PYGB: variants seen among roughly 807,000 people sequenced by gnomAD.
PYGB encodes the protein glycogen phosphorylase, brain form.
In PYGB, 82 loss-of-function variants were observed where a neutral mutation model predicts 94.3. That is an observed-to-expected ratio of 0.87 (90% CI 0.73 to 1.04). The LOEUF (loss-of-function observed/expected upper bound fraction) is 1.04. PYGB is among the 50% of genes least tolerant of loss of function. The pLI, the probability that PYGB is intolerant of heterozygous loss-of-function variation, is 0.00. For synonymous variants in PYGB, 488 were observed against 479.1 expected (o/e 1.02, Z -0.24); for missense variants, 1,132 against 1,158.2 (o/e 0.98, Z 0.33).
At chr20:25,275,427 G>A (rs920458400) in intron 5 of PYGB, among the ~76,000 whole-genome samples, 5 of 152,240 alleles carry the variant, frequency 3.3e-5, no homozygotes, top group Non-Finnish European at 5.9e-5. Flanking sequence ...GCAGGAGAAC[G>A]TGGGGGCATC....
chr20:25,277,800 G>A (rs897250610), intron 7 of PYGB, among the ~76,000 whole-genome samples: 2 of 152,256 alleles, frequency 1.3e-5, no homozygotes, highest in Non-Finnish European at 2.9e-5. Context: ...AGGTGATGGT[G>A]TCGCAGCCAT....
At chr20:25,272,450 A>G (rs1042711043) in intron 4 of PYGB, among the ~76,000 whole-genome samples, 6 of 152,256 alleles carry the variant, frequency 3.9e-5, no homozygotes, top group African/African-American at 1.4e-4. Context: ...GCTGTCCATG[A>G]CACGCACAGC....
intron 4 of PYGB, among the ~76,000 whole-genome samples, chr20:25,271,808 T>A (rs1218126871): frequency 6.6e-6 from 1 of 152,124 alleles, no homozygotes; most frequent in African/African-American, 2.4e-5. Flanking sequence ...GCAGTGAGGG[T>A]CACTCTGGTG....
intron 15 of PYGB, 21 bp from the exon 16 acceptor site, chr20:25,290,460 A>G (rs776389764): frequency 3.3e-5 from 53 of 1,595,396 alleles, no homozygotes; most frequent in Non-Finnish European, 4.0e-5. Context: ...TGTGCTAAAA[A>G]CCTTCACCCT....
intron 16 of PYGB, among the ~76,000 whole-genome samples, chr20:25,292,005 A>C (rs1034379723): frequency 1.3e-5 from 2 of 152,062 alleles, no homozygotes; most frequent in Admixed American, 1.3e-4. Context: ...TCTGGTCTAC[A>C]TTCCTCCTGA....
chr20:25,251,264 TG>T (rs890509563), intron 1 of PYGB: 12 of 152,266 alleles, frequency 7.9e-5, no homozygotes, highest in African/African-American at 2.2e-4. Flanking sequence ...TTGCGCTGCA[TG>T]GAGAAGAAAG....
intron 1 of PYGB, among the ~76,000 whole-genome samples, chr20:25,252,042 A>G (rs1161259447): frequency 6.6e-6 from 1 of 152,146 alleles, no homozygotes; most frequent in African/African-American, 2.4e-5. Flanking sequence ...CGGAATCCTA[A>G]CACTCCCAAT....
chr20:25,280,991 A>G lies in PYGB; in HGVS notation c.1282A>G (p.Arg428Gly), dbSNP rs1207849188. Residue 428 changes from arginine (R) to glycine (G), a missense_variant, in exon 11 of 20, where the codon AGG becomes GGG. By Grantham distance (125) the Arg-to-Gly change is moderately radical. Coordinates refer to ENST00000216962, the MANE Select transcript of PYGB (RefSeq NM_002862.4). ...LFPGDVDRLR[R>G]MSVIEEGDCK... ...TCCCGGCGATGTGGACCGCCTGCGC[A>G]GGATGTCTGTGATCGAGGAGGGGGA... 3 of 1,614,032 alleles carry G rather than the reference A, an allele frequency of 1.9e-6. No homozygotes were observed. In the African/African-American group the frequency reaches 4.0e-5, roughly 22 times the overall value.
intron 10 of PYGB, 44 bp downstream of exon 10, chr20:25,280,456 C>T (rs201464368): frequency 6.2e-7 from 1 of 1,600,036 alleles, no homozygotes; most frequent in African/African-American, 1.3e-5. Context: ...CGGCTACACC[C>T]ATGCCAACGG....
chr20:25,252,908 A>C (rs1326367511), intron 1 of PYGB, among the ~76,000 whole-genome samples: 1 of 149,788 alleles, frequency 6.7e-6, no homozygotes, highest in East Asian at 1.9e-4. Context: ...CCAACCCTCT[A>C]ATTAGAGCTG....
At chr20:25,290,455 TA>T in intron 15 of PYGB, 25 bp from the exon 16 acceptor site, 1 of 1,594,198 alleles carries the variant, frequency 6.3e-7, no homozygotes, top group Non-Finnish European at 8.6e-7. Context: ...ATTTTTGTGC[TA>T]AAAACCTTCA....
At chr20:25,280,452 C>CA in intron 10 of PYGB, 40 bp downstream of exon 10, 1 of 1,604,168 alleles carries the variant, frequency 6.2e-7, no homozygotes, top group African/African-American at 1.3e-5. Flanking sequence ...GTGGCGGCTA[C>CA]ACCCATGCCA....
chr20:25,276,593 G>A, intron 5 of PYGB, 53 bp from the exon 6 acceptor site: 1 of 1,495,200 alleles, frequency 6.7e-7, no homozygotes, highest in South Asian at 1.1e-5. Context: ...AGAGGCACAG[G>A]GGCCGGCGGG....
rs1457910482 is a variant in PYGB, at chr20:25,292,509, C to T, written c.2073C>T (p.Gly691=). 1 of 1,613,548 alleles carries T rather than the reference C, an allele frequency of 6.2e-7. No homozygotes were observed. The highest frequency in any genetic ancestry group is 8.5e-7 in the Non-Finnish European group (1 of 1,180,034). ...TGCTCAACGGGGCCCTCACCATCGG[C>T]ACCATGGACGGCGCCAACGTGGAGA... is the stretch of plus-strand genomic sequence containing the variant. The part of the protein sequence containing the change: ...KFMLNGALTI[G]TMDGANVEMA... The change falls in exon 17 of 20, where the codon GGC becomes GGT. Residue 691 remains glycine, a synonymous_variant. Transcript: ENST00000216962.
At chr20:25,259,408 A>G in intron 2 of PYGB, 70 bp downstream of exon 2, 1 of 1,255,316 alleles carries the variant, frequency 8.0e-7, no homozygotes. Context: ...CCATTTTCCC[A>G]CAGAGGTGAG....
chr20:25,284,008 G>T, intron 13 of PYGB, 96 bp from the exon 14 acceptor site: 12 of 1,464,678 alleles, frequency 8.2e-6, no homozygotes, highest in Non-Finnish European at 1.1e-5. Flanking sequence ...CCCTCCCTGC[G>T]GCACTCTTCA....
chr20:25,265,330 C>A (rs1325610373), intron 2 of PYGB, among the ~76,000 whole-genome samples: 1 of 152,174 alleles, frequency 6.6e-6, no homozygotes, highest in East Asian at 1.9e-4. Flanking sequence ...GCAGTAGCAC[C>A]ATTTTACATT....
At chr20:25,259,924 G>GTA (rs2092909912) in intron 2 of PYGB, among the ~76,000 whole-genome samples, 1 of 152,200 alleles carries the variant, frequency 6.6e-6, no homozygotes, top group African/African-American at 2.4e-5. Context: ...AGTCTCTAGA[G>GTA]TATAACCTTT....
chr20:25,283,183 G>GGGA lies in PYGB; in HGVS notation c.1531_1533dup (p.Glu511dup). ...AACCTTTACGTTCTCCAGAAAATTG[G>GGGA]GGAGGAGTTCCTGACTGACCTGAGC... is the stretch of plus-strand genomic sequence containing the variant. On this transcript the variant is annotated inframe_insertion, in exon 13 of 20. Coordinates refer to ENST00000216962, the MANE Select transcript of PYGB (RefSeq NM_002862.4). 1 of 1,613,088 alleles carries GGGA rather than the reference G, an allele frequency of 6.2e-7. No individual in the cohort carries two copies. The highest frequency in any genetic ancestry group is 8.5e-7 in the Non-Finnish European group (1 of 1,179,212).
Sources: allele counts gnomAD v4.1 joint callset (sites outside exome capture counted in the v4.1 genomes callset), GRCh38; gene constraint gnomAD v4.1.1; transcripts MANE v1.5; gene names NCBI Gene and HGNC (gene_info 2026-07-23, HGNC 2026-07-21).